Variants in NOP9 observed in about 807,000 individuals in gnomAD.
The protein encoded by NOP9 is nucleolar protein 9.
Under a neutral mutation model 63.0 loss-of-function variants are expected in NOP9, and 50 were observed. The ratio of observed to expected loss-of-function variants is 0.79; its 90% CI spans 0.63 to 1.00. NOP9 has a LOEUF of 1.00. Ranked by LOEUF, NOP9 falls within the 50% of genes least tolerant of loss-of-function variation. NOP9 has a pLI of 0.00. For missense variants in NOP9, 758 were observed against 803.0 expected, an observed-to-expected ratio of 0.94 and a Z score of 0.68; for synonymous variants, 343 against 332.8, an observed-to-expected ratio of 1.03 and a Z score of -0.33.
At chr14:24,273,176 ATTT>A in the NOP9 span, among the ~76,000 whole-genome samples, 542 of 137,798 alleles carry the variant, frequency 3.9e-3, no homozygotes, top group African/African-American at 0.014. Context: ...AGTGCTTTAA[ATTT>A]TTTTTTTTTT....
At chr14:24,291,509 C>A in the NOP9 span, 2 of 1,586,708 alleles carry the variant, frequency 1.3e-6, no homozygotes, top group South Asian at 2.2e-5. Context: ...TACCGCACTA[C>A]ACATCCTCCA....
In NOP9 at chr14:24,307,653, G is replaced by C. The variant is rs1386026516; in HGVS notation, c.*2558G>C. The C allele has an allele frequency of 8.9e-6, 11 of 1,229,190 alleles. No individual in the cohort carries two copies. The highest frequency in any genetic ancestry group is 2.1e-5 in the Admixed American group (1 of 48,690). 76.1% of individuals were successfully genotyped at this position (1,229,190 alleles called of 1,614,324 possible). On this transcript the variant is annotated 3_prime_UTR_variant, in exon 10 of 10. Coordinates refer to ENST00000267425, the MANE Select transcript of NOP9 (RefSeq NM_174913.3). Reference sequence around the variant, plus strand: ...CGATTAGGGATGAGGGAGAGACCATGGAGTGCAGGTGGGGGCGGGTGGCTC... The same window carrying C: ...CGATTAGGGATGAGGGAGAGACCATCGAGTGCAGGTGGGGGCGGGTGGCTC...
upstream of NOP9, among the ~76,000 whole-genome samples, chr14:24,295,946 G>C (rs1328128040): frequency 6.6e-6 from 1 of 152,182 alleles, no homozygotes; most frequent in Non-Finnish European, 1.5e-5. Context: ...AACAGTAACA[G>C]AGGCATAACT....
chr14:24,291,062 T>C, the NOP9 span: 1 of 1,613,238 alleles, frequency 6.2e-7, no homozygotes, highest in African/African-American at 1.3e-5. Context: ...TCACCTTGGC[T>C]GGAGAGACCG....
At position 24,306,259 on chromosome 14, in the gene NOP9, C is replaced by A; in HGVS notation, c.*1164C>A. On this transcript the variant is annotated 3_prime_UTR_variant, in exon 10 of 10. Coordinates refer to ENST00000267425, the MANE Select transcript of NOP9 (RefSeq NM_174913.3). Reference sequence around the variant, plus strand: ...TCTGTCCACTGTGTGACATCCTTGACAATTCCACAACTCCTCCTGCACCTG... The same window carrying A: ...TCTGTCCACTGTGTGACATCCTTGAAAATTCCACAACTCCTCCTGCACCTG... 6.5e-7 allele frequency: 1 copy of A among 1,534,594 alleles called. No individual in the cohort carries two copies. The highest frequency in any genetic ancestry group is 1.4e-5 in the African/African-American group (1 of 73,394).
rs2041484103 is a variant in NOP9, at chr14:24,305,784, A to C, written c.*689A>C. The C allele has an allele frequency of 6.2e-7, 1 of 1,610,244 alleles. No individual in the cohort carries two copies. The highest frequency in any genetic ancestry group is 1.7e-5 in the Admixed American group (1 of 59,244). ...GAGCTCCCTGAATGGCAGAGACAAG[A>C]GGAAATCAGATGATTTGGAAAACTT... On this transcript the variant is annotated 3_prime_UTR_variant, in exon 10 of 10. Coordinates refer to ENST00000267425, the MANE Select transcript of NOP9 (RefSeq NM_174913.3).
Position 24,305,240 on chromosome 14 carries a change from G to A in NOP9, c.*145G>A. 2 of 901,038 alleles carry A rather than the reference G, an allele frequency of 2.2e-6. No individual in the cohort carries two copies. Among genetic ancestry groups the A allele is most frequent in the Non-Finnish European group, 3.1e-6 (2 of 643,848 alleles). 55.8% of individuals were successfully genotyped at this position (901,038 alleles called of 1,614,324 possible). A position where few individuals can be genotyped will look rare whatever the true frequency, so the allele number is the denominator to read the frequency against. ...GGAAATGTTTTTGTTAGTTTGAGGG[G>A]AAGGGTATGAAGACAGATCTCAAGG... On this transcript the variant is annotated 3_prime_UTR_variant, in exon 10 of 10. Transcript: ENST00000267425.
At position 24,306,661 on chromosome 14, in the gene NOP9, AG is replaced by A. The variant is rs2041519482; in HGVS notation, c.*1568del. 3 of 1,024,976 alleles carry A rather than the reference AG, an allele frequency of 2.9e-6. No individual in the cohort carries two copies. In the South Asian group the frequency reaches 4.5e-5, roughly 15 times the overall value. 63.5% of individuals were successfully genotyped at this position (1,024,976 alleles called of 1,614,324 possible). On this transcript the variant is annotated 3_prime_UTR_variant, in exon 10 of 10. Coordinates refer to ENST00000267425, the MANE Select transcript of NOP9 (RefSeq NM_174913.3). ...TTTCCGGCACTTTGATACCTCCTAA[AG>A]GTTGCAGCTCTCCGTGTTCTTCAGT...
the NOP9 span, chr14:24,291,740 G>C: frequency 8.8e-7 from 1 of 1,136,482 alleles, no homozygotes; most frequent in Non-Finnish European, 1.3e-6. Context: ...AGAGGCCAAA[G>C]ACCTCAAGCA....
Position 24,304,285 on chromosome 14 carries a change from T to A in NOP9, c.1647+8T>A. ...GTGCTGCAGAACCTAAAGGTTAGAT[T>A]TCTGGCTTTTGCCTTGATTCCCCAC... On this transcript the variant is annotated splice_region_variant and intron_variant, in intron 8 of 9. Transcript: ENST00000267425. The A allele has an allele frequency of 6.2e-7, 1 of 1,610,220 alleles. No individual in the cohort carries two copies. Among genetic ancestry groups the A allele is most frequent in the Non-Finnish European group, 8.5e-7 (1 of 1,177,198 alleles).
the NOP9 span, among the ~76,000 whole-genome samples, chr14:24,277,300 C>T: frequency 1.3e-5 from 2 of 152,082 alleles, no homozygotes; most frequent in Admixed American, 1.3e-4. Context: ...TGTCCTGAGG[C>T]AACAAGAAAT....
the NOP9 span, among the ~76,000 whole-genome samples, chr14:24,279,561 C>T: frequency 1.3e-5 from 2 of 152,216 alleles, no homozygotes; most frequent in Non-Finnish European, 2.9e-5. Flanking sequence ...GTGGTGGGTA[C>T]TGACTCAGGT....
the NOP9 span, chr14:24,291,455 A>G: frequency 6.9e-6 from 9 of 1,311,120 alleles, no homozygotes; most frequent in African/African-American, 1.0e-4. Context: ...AAAGAATGAC[A>G]TGTTCCTCAA....
the NOP9 span, among the ~76,000 whole-genome samples, chr14:24,274,349 A>C: frequency 6.6e-6 from 1 of 152,190 alleles, no homozygotes; most frequent in Non-Finnish European, 1.5e-5. Flanking sequence ...AATCTGCATC[A>C]GAGAAGGCAG....
chr14:24,308,567 G>A lies in NOP9; in HGVS notation c.*3472G>A, dbSNP rs2041593829. 6.5e-6 allele frequency: 1 copy of A among 153,596 alleles called. No homozygotes were observed. Among genetic ancestry groups the A allele is most frequent in the Non-Finnish European group, 1.5e-5 (1 of 68,950 alleles). The allele number at this position is 153,596 out of a possible 1,614,324, so 9.5% of individuals were successfully genotyped here. On this transcript the variant is annotated 3_prime_UTR_variant, in exon 10 of 10. Coordinates refer to ENST00000267425, the MANE Select transcript of NOP9 (RefSeq NM_174913.3). Reference sequence around the variant, plus strand: ...GAGCTGCCTGCTGCAGTCACACTTAGGTCATCTTCTCTCACTTTTCTCCTT... The same window carrying A: ...GAGCTGCCTGCTGCAGTCACACTTAAGTCATCTTCTCTCACTTTTCTCCTT...
At chr14:24,276,238 G>A in the NOP9 span, among the ~76,000 whole-genome samples, 11 of 151,678 alleles carry the variant, frequency 7.3e-5, no homozygotes, top group Admixed American at 6.6e-4. Context: ...TTAGCTGGGC[G>A]TGGTGGTACG....
chr14:24,277,725 T>C, the NOP9 span, among the ~76,000 whole-genome samples: 1 of 152,176 alleles, frequency 6.6e-6, no homozygotes, highest in South Asian at 2.1e-4. Context: ...TTGCCCACCA[T>C]GCTTTGCTGG....
the NOP9 span, among the ~76,000 whole-genome samples, chr14:24,282,027 G>A: frequency 2.0e-5 from 3 of 152,124 alleles, no homozygotes; most frequent in Non-Finnish European, 2.9e-5. Context: ...GGGAAACCCC[G>A]TCTCTACTAA....
the NOP9 span, among the ~76,000 whole-genome samples, chr14:24,289,173 G>A: frequency 6.6e-6 from 1 of 152,040 alleles, no homozygotes; most frequent in Admixed American, 6.6e-5. Flanking sequence ...TAGTAGAGAC[G>A]AGGTTTCATC....
Sources: allele counts gnomAD v4.1 joint callset (sites outside exome capture counted in the v4.1 genomes callset), GRCh38; gene constraint gnomAD v4.1.1; transcripts MANE v1.5; gene names NCBI Gene and HGNC (gene_info 2026-07-23, HGNC 2026-07-21).